The following POLG variants were observed in gnomAD, a reference collection of about 807,000 sequenced individuals.
The protein encoded by POLG is DNA polymerase subunit gamma-1.
A neutral mutation model predicts 155.4 loss-of-function variants in POLG; 110 were observed. The observed-to-expected ratio is 0.71, with a 90% CI of 0.61 to 0.83. The LOEUF is 0.83. Among genes scored for constraint, POLG ranks in the 40% least tolerant of loss-of-function variants. POLG has a pLI of 0.00. For synonymous variants in POLG, 701 were observed against 631.5 expected (o/e 1.11, Z -1.65); for missense variants, 1,685 against 1,627.5 (o/e 1.04, Z -0.61).
chr15:89,317,711 G>A, intron 21 of POLG, 175 bp from the exon 22 acceptor site: 1 of 666,034 alleles, frequency 1.5e-6, no homozygotes, highest in South Asian at 1.7e-5. Context: ...CCATCCAGCA[G>A]CCTAACCTCC....
Position 89,316,391 on chromosome 15 carries a change from T to G in POLG, c.*360A>C. The G allele has an allele frequency of 1.2e-6, 2 of 1,610,800 alleles. No homozygotes were observed. Among genetic ancestry groups the G allele is most frequent in the Non-Finnish European group, 1.7e-6 (2 of 1,178,110 alleles). On this transcript the variant is annotated 3_prime_UTR_variant, in exon 23 of 23. Coordinates refer to ENST00000268124, the MANE Select transcript of POLG (RefSeq NM_002693.3). ...ACGTTAGAGCATTAATTCTTTCCCCTTCTAGGGCACTGCATCAGAGCATGG... is the reference window on the plus strand; with the variant it reads ...ACGTTAGAGCATTAATTCTTTCCCCGTCTAGGGCACTGCATCAGAGCATGG...
At chr15:89,317,579 T>C (rs1170486185) in intron 21 of POLG, 43 bp from the exon 22 acceptor site, 1 of 1,589,264 alleles carries the variant, frequency 6.3e-7, no homozygotes, top group Admixed American at 1.7e-5. Flanking sequence ...GCCCCTCCTG[T>C]GAACAGATGC....
At chr15:89,325,066 G>C (rs1275165382) in intron 10 of POLG, among the ~76,000 whole-genome samples, 1 of 104,054 alleles carries the variant, frequency 9.6e-6, no homozygotes, top group Non-Finnish European at 2.0e-5. Flanking sequence ...GAGAGTGAGT[G>C]AGTGAGTGAG....
In POLG at chr15:89,322,981, C is replaced by T. The variant is rs990807125; in HGVS notation, c.2266-79G>A. ...GGGAACCAACGTGAGTACCTGCACT[C>T]CTCCCAACACTGAGCCCAGAACCTC... On this transcript the variant is annotated intron_variant, in intron 13 of 22. Coordinates refer to ENST00000268124, the MANE Select transcript of POLG (RefSeq NM_002693.3). The T allele has an allele frequency of 8.5e-5, 118 of 1,383,348 alleles. No individual in the cohort carries two copies. The East Asian group carries it at 2.6e-3, about 31-fold the overall frequency. The allele number at this position is 1,383,348 out of a possible 1,614,324, so 85.7% of individuals were successfully genotyped here.
intron 9 of POLG, 39 bp downstream of exon 9, chr15:89,326,573 T>C (rs749672126): frequency 3.1e-6 from 5 of 1,609,164 alleles, no homozygotes; most frequent in East Asian, 2.2e-5. Context: ...GGAGCAAGGG[T>C]AGACTCTAGA....
intron 13 of POLG, 43 bp downstream of exon 13, chr15:89,323,361 G>C (rs1190150696): frequency 1.5e-6 from 2 of 1,302,600 alleles, no homozygotes. Context: ...GCCTTGAGCA[G>C]AATGAGGAAA....
chr15:89,331,355 G>C (rs937407705), intron 2 of POLG, among the ~76,000 whole-genome samples: 2 of 150,738 alleles, frequency 1.3e-5, no homozygotes, highest in African/African-American at 4.9e-5. Flanking sequence ...CAGACAAAAA[G>C]GCTAAAGAAT....
At chr15:89,332,249 C>G (rs2055603340) in intron 2 of POLG, 1 of 152,190 alleles carries the variant, frequency 6.6e-6, no homozygotes, top group Non-Finnish European at 1.5e-5. Flanking sequence ...TCACCATTTT[C>G]AACTGCATAT....
At position 89,333,764 on chromosome 15, in the gene POLG, A is replaced by G; in HGVS notation, c.-10T>C. ...AGAGCAGGCGGCTCATGGTTGGTGC[A>G]GGGACCCCCACGCTGGGAGTCAGAA... On this transcript the variant is annotated 5_prime_UTR_variant, in exon 2 of 23. Transcript: ENST00000268124. 1.3e-6 allele frequency: 2 copies of G among 1,535,018 alleles called. No individual in the cohort carries two copies. The highest frequency in any genetic ancestry group is 2.4e-5 in the South Asian group (2 of 84,088).
intron 6 of POLG, 31 bp downstream of exon 6, chr15:89,328,425 C>T (rs1431552081): frequency 6.4e-7 from 1 of 1,572,070 alleles, no homozygotes; most frequent in Non-Finnish European, 8.7e-7. Flanking sequence ...CACACTGACC[C>T]CCAGAGATTC....
At position 89,329,121 on chromosome 15, in the gene POLG, G is replaced by A. The variant is rs375058609; in HGVS notation, c.856-11C>T. On this transcript the variant is annotated splice_polypyrimidine_tract_variant and intron_variant, in intron 3 of 22. Coordinates refer to ENST00000268124, the MANE Select transcript of POLG (RefSeq NM_002693.3). The stretch of plus-strand genomic sequence containing the variant: ...ACGCATGCGGGAACCCTGAGGAGGA[G>A]GAGGAGAAAAGGGAAGGGAAGGAGG... 6.2e-5 allele frequency: 100 copies of A among 1,608,532 alleles called. No homozygotes were observed. The highest frequency in any genetic ancestry group is 8.1e-5 in the Non-Finnish European group (95 of 1,179,076).
intron 6 of POLG, among the ~76,000 whole-genome samples, chr15:89,327,744 C>G (rs1193012934): frequency 3.3e-5 from 5 of 152,148 alleles, no homozygotes; most frequent in African/African-American, 1.2e-4. Context: ...CAACACATGT[C>G]TGGATCGTGC....
In POLG at chr15:89,316,329, C is replaced by A; in HGVS notation, c.*422G>T. On this transcript the variant is annotated 3_prime_UTR_variant, in exon 23 of 23. Coordinates refer to ENST00000268124, the MANE Select transcript of POLG (RefSeq NM_002693.3). ...ATGAGAAGATAGAGTCTTTTTTTTC[C>A]TTCTTTTTATTTCCACTGCCTTGGA... 1 of 1,482,580 alleles carries A rather than the reference C, an allele frequency of 6.7e-7. No homozygotes were observed. Among genetic ancestry groups the A allele is most frequent in the Non-Finnish European group, 9.2e-7 (1 of 1,084,714 alleles). 91.8% of individuals were successfully genotyped at this position (1,482,580 alleles called of 1,614,324 possible). A position where few individuals can be genotyped will look rare whatever the true frequency, so the allele number is the denominator to read the frequency against.
chr15:89,317,790 TATTA>T (rs945316176), intron 21 of POLG: 26 of 520,424 alleles, frequency 5.0e-5, no homozygotes, highest in Admixed American at 3.3e-5. Context: ...TGGTACACTT[TATTA>T]ATTAATATAC....
In POLG at chr15:89,318,747, A is replaced by C. The variant is rs74034411; in HGVS notation, c.3276T>G (p.Phe1092Leu). 3.1e-6 allele frequency: 5 copies of C among 1,613,760 alleles called. No individual in the cohort carries two copies. The African/African-American group carries it at 5.3e-5, about 17-fold the overall frequency. Reference protein sequence around the residue: ...ALEPSAVQEEFMTSRVNWVVQ... With the variant: ...ALEPSAVQEELMTSRVNWVVQ... The stretch of plus-strand genomic sequence containing the variant: ...CCACCCAATTCACACGGCTGGTCAT[A>C]AACTGGGAAGGGAAGGTGGGCAGAG... The change falls in exon 21 of 23, where the codon TTT becomes TTG. Residue 1092 changes from phenylalanine to leucine, a missense_variant and splice_region_variant. Phe to Leu is a conservative substitution (Grantham distance 22, BLOSUM62 0). This residue lies in a region of POLG where 470 missense variants were observed against 439.9 expected (regional missense o/e 1.07). Transcript: ENST00000268124.
In POLG at chr15:89,333,372, G is replaced by A. The variant is rs2141815013; in HGVS notation, c.383C>T (p.Pro128Leu). 7.0e-6 allele frequency: 11 copies of A among 1,577,926 alleles called. No homozygotes were observed. Among genetic ancestry groups the A allele is most frequent in the South Asian group, 5.7e-5 (5 of 87,852 alleles). Residue 128 changes from proline (P) to leucine (L), a missense_variant, in exon 2 of 23, where the codon CCG becomes CTG. By Grantham distance (98) the Pro-to-Leu change is moderately conservative (BLOSUM62 -3). Coordinates refer to ENST00000268124, the MANE Select transcript of POLG (RefSeq NM_002693.3). ...GTCCAGGTTGTCCCCGTAGAGGGGC[G>A]GCAGGCGCAGCTCCACGTCGGGCAA... ...VPLPDVELRL[P>L]PLYGDNLDQH...
chr15:89,321,127 T>C lies in POLG; in HGVS notation c.2732A>G (p.His911Arg). 1 of 1,614,226 alleles carries C rather than the reference T, an allele frequency of 6.2e-7. No individual in the cohort carries two copies. The highest frequency in any genetic ancestry group is 8.5e-7 in the Non-Finnish European group (1 of 1,180,048). Reference sequence around the variant, plus strand: ...CCCCAACCCCGGCTCCTGCTCACCATGCATGCCGGCAAAGTGGGCGTCTCC... The same window carrying C: ...CCCCAACCCCGGCTCCTGCTCACCACGCATGCCGGCAAAGTGGGCGTCTCC... ...VLGDAHFAGM[H>R]GCTAFGWMTL... The change falls in exon 17 of 23, where the codon CAT becomes CGT. Residue 911 changes from histidine (H) to arginine (R), a missense_variant and splice_region_variant. Around this residue, in one of 3 missense-constraint regions of POLG, gnomAD observed 470 missense variants for 439.9 expected, o/e 1.07. Coordinates refer to ENST00000268124, the MANE Select transcript of POLG (RefSeq NM_002693.3).
chr15:89,321,961 C>A lies in POLG; in HGVS notation c.2480+1G>T. On this transcript the variant is annotated splice_donor_variant, in intron 15 of 22. Transcript: ENST00000268124. LOFTEE classifies it high-confidence loss of function. The stretch of plus-strand genomic sequence containing the variant: ...CCCTACAACCACTCAGCAGACCATA[C>A]CTGATCACAGCACGGGGCAGAGCTG... The A allele has an allele frequency of 6.2e-7, 1 of 1,614,106 alleles. No homozygotes were observed. The highest frequency in any genetic ancestry group is 8.5e-7 in the Non-Finnish European group (1 of 1,179,942).
chr15:89,323,302 C>G, intron 13 of POLG, 102 bp downstream of exon 13: 1 of 757,910 alleles, frequency 1.3e-6, no homozygotes, highest in South Asian at 1.5e-5. Context: ...ACTAGTCATT[C>G]CCACAAAAAG....
Sources: allele counts gnomAD v4.1 joint callset (sites outside exome capture counted in the v4.1 genomes callset), GRCh38; gene constraint gnomAD v4.1.1; regional missense constraint gnomAD v4.1.1; transcripts MANE v1.5; gene names NCBI Gene and HGNC (gene_info 2026-07-23, HGNC 2026-07-21).